Variants in POLR3A observed in about 807,000 individuals in gnomAD.
POLR3A encodes the protein RNA polymerase III subunit A.
A neutral mutation model predicts 152.8 loss-of-function variants in POLR3A; 112 were observed. The observed-to-expected ratio is 0.73, with a 90% CI of 0.63 to 0.86. The LOEUF (loss-of-function observed/expected upper bound fraction) is 0.86. Among genes scored for constraint, POLR3A ranks in the 40% least tolerant of loss-of-function variants. The probability of loss-of-function intolerance (pLI) is 0.00; values close to 1 mark genes in which losing one functional copy is unlikely to be tolerated. For synonymous variants in POLR3A, 615 were observed against 652.1 expected (o/e 0.94, Z 0.87); for missense variants, 1,385 against 1,743.1 (o/e 0.79, Z 3.66).
rs1396054344 is a variant in POLR3A, at chr10:78,009,662, C to T, written c.1784G>A (p.Trp595Ter). ...GACACTGAAGATCTGCTTTCCCGTC[C>T]ACAGGGTGACAGGCTGAGGGGGGGA... ...PPTILKPVTL[W>*]TGKQIFSVIL... The change falls in exon 14 of 31, where the codon TGG (tryptophan) becomes TAG (stop). Residue 595 changes from tryptophan (W) to a stop codon, truncating the protein, a stop_gained. Coordinates refer to ENST00000372371, the MANE Select transcript of POLR3A (RefSeq NM_007055.4). LOFTEE classifies it high-confidence loss of function. The T allele has an allele frequency of 5.6e-6, 9 of 1,614,032 alleles. No individual in the cohort carries two copies. Among genetic ancestry groups the T allele is most frequent in the Admixed American group, 1.7e-5 (1 of 59,990 alleles).
intron 5 of POLR3A, among the ~76,000 whole-genome samples, chr10:78,023,673 G>T (rs551001546): frequency 8.8e-4 from 133 of 151,884 alleles, no homozygotes; most frequent in African/African-American, 3.2e-3. Context: ...AGCTACTTGG[G>T]AGGCTGACAT....
chr10:78,023,401 A>C (rs1171783730), intron 5 of POLR3A, among the ~76,000 whole-genome samples: 4 of 152,086 alleles, frequency 2.6e-5, no homozygotes, highest in Non-Finnish European at 5.9e-5. Context: ...TGGAGGTTGC[A>C]GTGAGCCTAG....
chr10:78,013,341 C>A, intron 11 of POLR3A: 1 of 383,900 alleles, frequency 2.6e-6, no homozygotes, highest in Non-Finnish European at 4.9e-6. Flanking sequence ...TCTTTTCTTA[C>A]CTTGTCATAA....
chr10:77,993,149 A>C (rs374326308), intron 20 of POLR3A, 48 bp downstream of exon 20: 1 of 1,453,578 alleles, frequency 6.9e-7, no homozygotes, highest in African/African-American at 1.4e-5. Context: ...CGTCCTAAAG[A>C]AACATCCTTA....
chr10:78,012,361 T>A (rs1259210029), intron 11 of POLR3A, among the ~76,000 whole-genome samples: 2 of 145,898 alleles, frequency 1.4e-5, no homozygotes, highest in Non-Finnish European at 3.0e-5. Context: ...TAAAACTCCG[T>A]CTCAAACAAA....
intron 1 of POLR3A, among the ~76,000 whole-genome samples, chr10:78,028,971 G>A (rs912200933): frequency 1.3e-5 from 2 of 152,104 alleles, no homozygotes; most frequent in African/African-American, 4.8e-5. Flanking sequence ...TACTGCCTCC[G>A]TGTCAGACGC....
rs147609485 is a variant in POLR3A at position 78,024,472 on chromosome 10, GGA to G, written c.645+75_645+76del. 2,928 of 1,492,892 alleles carry G rather than the reference GGA, an allele frequency of 2.0e-3. 56 individuals carry two copies. In the African/African-American group the frequency reaches 0.034, roughly 17 times the overall value. The allele number at this position is 1,492,892 out of a possible 1,614,324, so 92.5% of individuals were successfully genotyped here. ...TGTCTAGGGGTGGGGCGGAGTTGGG[GGA>G]GAGAGTGTGCATGTGACGTGCGGAA... On this transcript the variant is annotated intron_variant, in intron 5 of 30. Transcript: ENST00000372371.
intron 21 of POLR3A, among the ~76,000 whole-genome samples, chr10:77,988,943 T>C (rs1023442441): frequency 6.6e-6 from 1 of 152,186 alleles, no homozygotes; most frequent in African/African-American, 2.4e-5. Context: ...TGCAAGGGAC[T>C]GTGCACACAT....
chr10:78,022,126 G>A lies in POLR3A; in HGVS notation c.885+19C>T, dbSNP rs12263414. The stretch of plus-strand genomic sequence containing the variant: ...GATAGATATACTATGAAACTTACAA[G>A]GAAATGGGAGGCACTGACCTTTTTA... On this transcript the variant is annotated intron_variant, in intron 6 of 30. Coordinates refer to ENST00000372371, the MANE Select transcript of POLR3A (RefSeq NM_007055.4). 37 of 1,614,102 alleles carry A rather than the reference G, an allele frequency of 2.3e-5. No homozygotes were observed. In the South Asian group the frequency reaches 4.1e-4, roughly 18 times the overall value.
intron 26 of POLR3A, 83 bp downstream of exon 26, chr10:77,983,837 G>T: frequency 2.4e-6 from 2 of 835,152 alleles, no homozygotes; most frequent in Non-Finnish European, 2.1e-6. Context: ...CCTCTGTCTT[G>T]CTTAGCTCTT....
rs202145420 is a variant in POLR3A, at chr10:78,007,726, C to T, written c.2050G>A (p.Ala684Thr). 7.5e-6 allele frequency: 12 copies of T among 1,591,504 alleles called. No individual in the cohort carries two copies. Among genetic ancestry groups the T allele is most frequent in the Admixed American group, 1.8e-5 (1 of 55,132 alleles). ...CACAGGTAGACAGGAGCCAGCCTGG[C>T]GAGCCGTGACATGGCATCTGCAGCT... ...NEAADAMSRLARLAPVYLSNR... is the reference protein window; with the variant it reads ...NEAADAMSRLTRLAPVYLSNR... The change falls in exon 15 of 31, where the codon GCC becomes ACC. Residue 684 changes from alanine to threonine, a missense_variant. This residue lies in a region of POLR3A where 170 missense variants were observed against 231.2 expected (regional missense o/e 0.74). Transcript: ENST00000372371.
chr10:78,025,277 A>G, intron 3 of POLR3A, 135 bp from the exon 4 acceptor site: 1 of 905,284 alleles, frequency 1.1e-6, no homozygotes, highest in East Asian at 2.6e-5. Flanking sequence ...GCTCTATACT[A>G]TGGATATGCA....
intron 19 of POLR3A, among the ~76,000 whole-genome samples, chr10:77,998,409 C>G (rs1408688870): frequency 6.6e-6 from 1 of 152,108 alleles, no homozygotes; most frequent in African/African-American, 2.4e-5. Flanking sequence ...ACTCATCTGA[C>G]AAAGGGCTAA....
chr10:77,985,405 G>T, intron 23 of POLR3A, 65 bp from the exon 24 acceptor site: 1 of 1,272,416 alleles, frequency 7.9e-7, no homozygotes, highest in Non-Finnish European at 1.1e-6. Flanking sequence ...AACTGCTGGG[G>T]AGAGGCTTCT....
chr10:78,010,410 T>A, intron 12 of POLR3A, 61 bp downstream of exon 12: 1 of 1,244,022 alleles, frequency 8.0e-7, no homozygotes, highest in Non-Finnish European at 1.2e-6. Flanking sequence ...TGAATCACTA[T>A]GAACGAGGAA....
At chr10:78,006,162 C>G (rs1847408728) in intron 15 of POLR3A, among the ~76,000 whole-genome samples, 1 of 151,764 alleles carries the variant, frequency 6.6e-6, no homozygotes, top group Non-Finnish European at 1.5e-5. Context: ...TTTGGGAGGC[C>G]GAGGTGGGCA....
chr10:77,978,135 C>G (rs1037383793), intron 30 of POLR3A, among the ~76,000 whole-genome samples: 1 of 152,158 alleles, frequency 6.6e-6, no homozygotes, highest in Non-Finnish European at 1.5e-5. Flanking sequence ...TTAAGAGCAT[C>G]TGAGCCTTCA....
intron 21 of POLR3A, among the ~76,000 whole-genome samples, chr10:77,987,898 T>C (rs1324946582): frequency 6.6e-6 from 1 of 152,226 alleles, no homozygotes; most frequent in East Asian, 1.9e-4. Context: ...CAGAAGGCAC[T>C]GAAGGCCTGA....
At chr10:78,010,671 A>G in intron 11 of POLR3A, 131 bp from the exon 12 acceptor site, 1 of 736,282 alleles carries the variant, frequency 1.4e-6, no homozygotes, top group Non-Finnish European at 2.5e-6. Context: ...GAGAAATGAA[A>G]GCCAGGGGTC....
Sources: allele counts gnomAD v4.1 joint callset (sites outside exome capture counted in the v4.1 genomes callset), GRCh38; gene constraint gnomAD v4.1.1; regional missense constraint gnomAD v4.1.1; transcripts MANE v1.5; gene names NCBI Gene and HGNC (gene_info 2026-07-23, HGNC 2026-07-21).